The following ABTB3 variants were observed in gnomAD, a reference collection of about 807,000 sequenced individuals.
ABTB3 encodes the protein ankyrin repeat- and BTB/POZ domain-containing protein 3.
chr12:107,545,019 G>A, the ABTB3 span, among the ~76,000 whole-genome samples: 3 of 152,286 alleles, frequency 2.0e-5, no homozygotes, highest in Admixed American at 1.3e-4. Flanking sequence ...TTGTAGATAT[G>A]ATCTGCATAT....
At chr12:107,609,548 G>C in the ABTB3 span, among the ~76,000 whole-genome samples, 1 of 152,210 alleles carries the variant, frequency 6.6e-6, no homozygotes, top group African/African-American at 2.4e-5. Flanking sequence ...AATCCACCCA[G>C]TCTGTGTTCA....
chr12:107,574,204 G>A, the ABTB3 span, among the ~76,000 whole-genome samples: 1 of 152,144 alleles, frequency 6.6e-6, no homozygotes, highest in Non-Finnish European at 1.5e-5. Context: ...TTGCAGCTTG[G>A]CAAAGGCTCA....
chr12:107,577,286 G>C, the ABTB3 span, among the ~76,000 whole-genome samples: 1 of 152,168 alleles, frequency 6.6e-6, no homozygotes, highest in Non-Finnish European at 1.5e-5. Flanking sequence ...CACTTTACAG[G>C]TGAAGACACT....
At chr12:107,476,737 C>T in the ABTB3 span, among the ~76,000 whole-genome samples, 5 of 151,618 alleles carry the variant, frequency 3.3e-5, no homozygotes, top group Admixed American at 2.6e-4. Flanking sequence ...CAAGTGTCTG[C>T]TCTCATCCCC....
the ABTB3 span, among the ~76,000 whole-genome samples, chr12:107,533,205 A>G: frequency 6.6e-6 from 1 of 152,222 alleles, no homozygotes; most frequent in Non-Finnish European, 1.5e-5. Flanking sequence ...AATATATACA[A>G]TATTATATAC....
At chr12:107,488,011 T>G in the ABTB3 span, among the ~76,000 whole-genome samples, 1 of 151,620 alleles carries the variant, frequency 6.6e-6, no homozygotes. Context: ...GCTCTCAGTG[T>G]GGGAAACGGT....
chr12:107,460,769 G>C, the ABTB3 span, among the ~76,000 whole-genome samples: 1 of 152,250 alleles, frequency 6.6e-6, no homozygotes, highest in South Asian at 2.1e-4. Context: ...GGGGGCTGGG[G>C]GTTGTGTGAT....
chr12:107,520,618 G>A, the ABTB3 span: 11 of 1,614,050 alleles, frequency 6.8e-6, no homozygotes, highest in Non-Finnish European at 9.3e-6. Flanking sequence ...CACGCGCGTA[G>A]GCAGCATCGC....
the ABTB3 span, among the ~76,000 whole-genome samples, chr12:107,402,095 A>G: frequency 6.6e-6 from 1 of 152,290 alleles, no homozygotes; most frequent in Admixed American, 6.5e-5. Flanking sequence ...CATCTTTGCT[A>G]TGTGCTAGTT....
chr12:107,626,045 T>C, the ABTB3 span, among the ~76,000 whole-genome samples: 1 of 152,272 alleles, frequency 6.6e-6, no homozygotes, highest in Admixed American at 6.5e-5. Context: ...GTGGCTTTTT[T>C]CCCCATCTGT....
At chr12:107,617,469 G>T in the ABTB3 span, 1 of 1,609,366 alleles carries the variant, frequency 6.2e-7, no homozygotes, top group South Asian at 1.1e-5. Flanking sequence ...CAGAGGTCCC[G>T]AGTGGTGTTT....
At chr12:107,469,056 G>A in the ABTB3 span, among the ~76,000 whole-genome samples, 1 of 152,196 alleles carries the variant, frequency 6.6e-6, no homozygotes, top group Non-Finnish European at 1.5e-5. Flanking sequence ...TTGTTGATGG[G>A]TGAGGGCTGG....
chr12:107,482,950 T>C, the ABTB3 span, among the ~76,000 whole-genome samples: 1 of 41,326 alleles, frequency 2.4e-5, no homozygotes, highest in Non-Finnish European at 4.8e-5. Flanking sequence ...CTTTCTTTCT[T>C]TCTTTCTTTC....
the ABTB3 span, among the ~76,000 whole-genome samples, chr12:107,510,526 T>A: frequency 6.6e-6 from 1 of 152,208 alleles, no homozygotes; most frequent in African/African-American, 2.4e-5. Flanking sequence ...TAATATAGTA[T>A]AACACAGTGG....
the ABTB3 span, among the ~76,000 whole-genome samples, chr12:107,413,292 C>A: frequency 6.6e-6 from 1 of 151,902 alleles, no homozygotes; most frequent in Admixed American, 6.6e-5. Context: ...AAAAAAAAAG[C>A]GCATTGAAAT....
the ABTB3 span, among the ~76,000 whole-genome samples, chr12:107,542,228 C>A: frequency 6.7e-6 from 1 of 150,276 alleles, no homozygotes; most frequent in African/African-American, 2.5e-5. Flanking sequence ...AGGAGAATTG[C>A]TTGAACCCGG....
the ABTB3 span, chr12:107,319,556 C>A: frequency 2.6e-6 from 4 of 1,545,792 alleles, no homozygotes; most frequent in Non-Finnish European, 3.5e-6. Flanking sequence ...CAAGTCGGCC[C>A]GCTGCGGCCT....
the ABTB3 span, among the ~76,000 whole-genome samples, chr12:107,433,902 T>C: frequency 6.6e-6 from 1 of 152,168 alleles, no homozygotes; most frequent in Admixed American, 6.5e-5. Flanking sequence ...AGGGCCCTCT[T>C]CTAGGTTTCA....
chr12:107,566,869 T>C, the ABTB3 span, among the ~76,000 whole-genome samples: 1 of 152,106 alleles, frequency 6.6e-6, no homozygotes, highest in Non-Finnish European at 1.5e-5. Context: ...TTCCAACACT[T>C]TGTGGGGCCA....
Sources: gnomAD v4.1 joint callset for allele counts (sites outside exome capture counted in the v4.1 genomes callset) on GRCh38, gnomAD v4.1.1 for gene constraint, MANE v1.5 for transcripts, NCBI Gene and HGNC (gene_info 2026-07-23, HGNC 2026-07-21) for gene names.